CLIP1: variants seen among roughly 807,000 people sequenced by gnomAD.
CLIP1 encodes CAP-Gly domain-containing linker protein 1.
CLIP1 carries 66 observed loss-of-function variants against 161.6 expected under a neutral mutation model. The ratio of observed to expected loss-of-function variants is 0.41; its 90% CI spans 0.33 to 0.50. The LOEUF is 0.50. Among genes scored for constraint, CLIP1 ranks in the 20% least tolerant of loss-of-function variants. CLIP1 has a pLI of 0.27. For missense variants in CLIP1, 1,376 were observed against 1,702.0 expected, an observed-to-expected ratio of 0.81 and a Z score of 3.37; for synonymous variants, 598 against 626.2, an observed-to-expected ratio of 0.96 and a Z score of 0.67.
Position 122,319,317 on chromosome 12 carries a change from A to T in CLIP1, c.3281T>A (p.Ile1094Lys), listed in dbSNP as rs764007777. The change falls in exon 18 of 26, where the codon ATA becomes AAA. Residue 1094 changes from isoleucine (I) to lysine (K), a missense_variant. Physicochemically the swap from Ile to Lys is moderately radical, Grantham distance 102. Transcript: ENST00000620786. ...CTTCTCTTTGGTCATCTGTTCCATTATCTGCATGGCATCTTCCGCTGTTTG... is the reference window on the plus strand; with the variant it reads ...CTTCTCTTTGGTCATCTGTTCCATTTTCTGCATGGCATCTTCCGCTGTTTG... Reference protein sequence around the residue: ...AAQTAEDAMQIMEQMTKEKTE... With the variant: ...AAQTAEDAMQKMEQMTKEKTE... 3.1e-6 allele frequency: 5 copies of T among 1,614,076 alleles called. No homozygotes were observed. In the East Asian group the frequency reaches 1.1e-4, roughly 36 times the overall value.
chr12:122,412,734 G>A (rs1566247537), intron 1 of CLIP1, among the ~76,000 whole-genome samples: 1 of 151,898 alleles, frequency 6.6e-6, no homozygotes, highest in South Asian at 2.1e-4. Flanking sequence ...TGGATAATTT[G>A]TTTTTTTCTG....
In CLIP1 at chr12:122,398,715, T is replaced by A. The variant is rs549898094; in HGVS notation, c.-106-18157A>T. Among the ~76,000 whole-genome samples, 419 of 149,862 alleles carry A rather than the reference T, an allele frequency of 2.8e-3. 3 individuals are homozygous for A. The highest frequency in any genetic ancestry group is 8.9e-3 in the African/African-American group (362 of 40,880). On this transcript the variant is annotated intron_variant, in intron 1 of 25. Coordinates refer to ENST00000620786, the MANE Select transcript of CLIP1 (RefSeq NM_001247997.2). ...AAACCCCATCTCTAAAAAAAAAAAATTTTTTTTAATTAGCCGGGCATGGTG... is the reference window on the plus strand; with the variant it reads ...AAACCCCATCTCTAAAAAAAAAAAAATTTTTTTAATTAGCCGGGCATGGTG...
chr12:122,317,958 A>G (rs1230385011), intron 18 of CLIP1, among the ~76,000 whole-genome samples: 1 of 151,988 alleles, frequency 6.6e-6, no homozygotes, highest in East Asian at 1.9e-4. Context: ...AAATCCTCTC[A>G]TTTACTTCAG....
chr12:122,328,440 C>T lies in CLIP1; in HGVS notation c.2868-14G>A. 6.6e-7 allele frequency: 1 copy of T among 1,507,746 alleles called. No individual in the cohort carries two copies. Among genetic ancestry groups the T allele is most frequent in the Non-Finnish European group, 8.9e-7 (1 of 1,125,102 alleles). The allele number at this position is 1,507,746 out of a possible 1,614,324, so 93.4% of individuals were successfully genotyped here. A position where few individuals can be genotyped will look rare whatever the true frequency, so the allele number is the denominator to read the frequency against. On this transcript the variant is annotated splice_polypyrimidine_tract_variant and intron_variant, in intron 15 of 25. Coordinates refer to ENST00000620786, the MANE Select transcript of CLIP1 (RefSeq NM_001247997.2). The stretch of plus-strand genomic sequence containing the variant: ...TCTTCTACATCTCTAGAAAAAGTTT[C>T]AATATAAGGTGTCAGATTTTTCATA...
chr12:122,336,601 C>A (rs745423441), intron 12 of CLIP1, 31 bp downstream of exon 12: 15 of 1,118,530 alleles, frequency 1.3e-5, no homozygotes, highest in Non-Finnish European at 2.0e-5. Flanking sequence ...GGCCAGAAAC[C>A]CTGAGATTCA....
intron 20 of CLIP1, among the ~76,000 whole-genome samples, chr12:122,294,792 G>A (rs1315885768): frequency 6.6e-6 from 1 of 151,756 alleles, no homozygotes; most frequent in Non-Finnish European, 1.5e-5. Context: ...CCTCACGTCT[G>A]TAATCTCAGC....
intron 1 of CLIP1, among the ~76,000 whole-genome samples, chr12:122,390,288 A>ATGTATATATG (rs1566214721): frequency 2.3e-5 from 3 of 131,712 alleles, no homozygotes; most frequent in African/African-American, 8.5e-5. Context: ...ACATATATAT[A>ATGTATATATG]TATATATATA....
In CLIP1 at chr12:122,355,328, A is replaced by T. The variant is rs745722235; in HGVS notation, c.1006-16T>A. On this transcript the variant is annotated splice_polypyrimidine_tract_variant and intron_variant, in intron 5 of 25. Transcript: ENST00000620786. This position sits in a 1 kb window ranked among gnomAD's most constrained non-coding sequence, Gnocchi z 4.1. ...TTTCAGTCAACTGTAAAGGAAAGTT[A>T]GAGAAATGAAGGGCGATGATGCTGT... The T allele has an allele frequency of 2.5e-6, 4 of 1,608,158 alleles. No homozygotes were observed. The highest frequency in any genetic ancestry group is 1.7e-6 in the Non-Finnish European group (2 of 1,175,536).
At chr12:122,418,465 T>C (rs1234291551) in intron 1 of CLIP1, among the ~76,000 whole-genome samples, 2 of 152,170 alleles carry the variant, frequency 1.3e-5, no homozygotes, top group Non-Finnish European at 2.9e-5. Context: ...ATTATTTGGA[T>C]AGTGGGGCTG....
intron 5 of CLIP1, among the ~76,000 whole-genome samples, chr12:122,357,281 C>T (rs908602862): frequency 6.6e-6 from 1 of 151,822 alleles, no homozygotes; most frequent in African/African-American, 2.4e-5. Context: ...GCGCCTCTAC[C>T]TGGCCGCGAC....
chr12:122,374,316 A>T (rs1166031027), intron 3 of CLIP1, among the ~76,000 whole-genome samples: 4 of 97,022 alleles, frequency 4.1e-5, no homozygotes, highest in African/African-American at 1.7e-4. Context: ...CTAAAAATAC[A>T]AAAAAAAAAA....
intron 24 of CLIP1, 145 bp downstream of exon 24, chr12:122,278,009 G>A: frequency 1.4e-6 from 1 of 731,886 alleles, no homozygotes; most frequent in East Asian, 2.5e-5. Flanking sequence ...TTTTAATTCT[G>A]TTTAATGTTT....
chr12:122,359,318 G>C (rs1369462117), intron 5 of CLIP1, among the ~76,000 whole-genome samples: 1 of 152,174 alleles, frequency 6.6e-6, no homozygotes, highest in Non-Finnish European at 1.5e-5. Flanking sequence ...AGAGGTACAA[G>C]AACTGGTCCA....
Position 122,328,357 on chromosome 12 carries a change from A to C in CLIP1, c.2937T>G (p.Ile979Met), listed in dbSNP as rs1170574874. ...NENASFLQKS[I>M]EDMTVKAEQS... ...GTTCAGCTTTGACAGTCATGTCCTCAATACTTTTTTGCAGAAAACTTGCAT... is the reference window on the plus strand; with the variant it reads ...GTTCAGCTTTGACAGTCATGTCCTCCATACTTTTTTGCAGAAAACTTGCAT... The change falls in exon 16 of 26, where the codon ATT (isoleucine) becomes ATG (methionine). Residue 979 changes from isoleucine to methionine, a missense_variant. This residue lies in a region of CLIP1 where 948 missense variants were observed against 1,134.8 expected (regional missense o/e 0.84). Coordinates refer to ENST00000620786, the MANE Select transcript of CLIP1 (RefSeq NM_001247997.2). The C allele has an allele frequency of 6.2e-7, 1 of 1,612,888 alleles. No individual in the cohort carries two copies. Among genetic ancestry groups the C allele is most frequent in the South Asian group, 1.1e-5 (1 of 90,582 alleles).
intron 20 of CLIP1, among the ~76,000 whole-genome samples, chr12:122,306,135 G>C (rs1208158737): frequency 6.6e-6 from 1 of 151,596 alleles, no homozygotes; most frequent in Non-Finnish European, 1.5e-5. Context: ...TCCCATGCTG[G>C]AAGCTTCCTG....
chr12:122,410,418 TACAC>T (rs1271599125), intron 1 of CLIP1, among the ~76,000 whole-genome samples: 1 of 151,560 alleles, frequency 6.6e-6, no homozygotes, highest in South Asian at 2.1e-4. Context: ...TATTTATGTA[TACAC>T]ACACACACAT....
intron 1 of CLIP1, among the ~76,000 whole-genome samples, chr12:122,410,775 G>T (rs776071574): frequency 1.3e-5 from 2 of 152,018 alleles, no homozygotes; most frequent in Non-Finnish European, 2.9e-5. Flanking sequence ...GTAATATTTT[G>T]AAGGTAAAAA....
intron 17 of CLIP1, among the ~76,000 whole-genome samples, chr12:122,320,135 G>A (rs544109377): frequency 2.6e-5 from 4 of 152,092 alleles, no homozygotes; most frequent in Non-Finnish European, 4.4e-5. Context: ...CTAGCTGGCC[G>A]TGGTGGCGGG....
chr12:122,402,668 C>T (rs1351204557), intron 1 of CLIP1, among the ~76,000 whole-genome samples: 1 of 151,958 alleles, frequency 6.6e-6, no homozygotes. Flanking sequence ...CCCACCTACT[C>T]CGGAGGCTGA....
Sources: gnomAD v4.1 joint callset for allele counts (sites outside exome capture counted in the v4.1 genomes callset) on GRCh38, gnomAD v4.1.1 for gene constraint, gnomAD v4.1.1 regional missense constraint, Gnocchi (gnomAD v3.1) non-coding constraint, MANE v1.5 for transcripts, NCBI Gene and HGNC (gene_info 2026-07-23, HGNC 2026-07-21) for gene names.